The following RUBCN variants were observed in gnomAD, a reference collection of about 807,000 sequenced individuals.
The protein encoded by RUBCN is run domain Beclin-1-interacting and cysteine-rich domain-containing protein.
Under a neutral mutation model 113.2 loss-of-function variants are expected in RUBCN, and 74 were observed. The ratio of observed to expected loss-of-function variants is 0.65; its 90% CI spans 0.54 to 0.79. The LOEUF is 0.79. RUBCN is among the 30% of genes least tolerant of loss of function. The pLI is 0.00. For synonymous variants in RUBCN, 480 were observed against 490.0 expected (o/e 0.98, Z 0.27); for missense variants, 1,109 against 1,251.7 (o/e 0.89, Z 1.72).
At chr3:197,682,425 G>C in intron 14 of RUBCN, 45 bp downstream of exon 14, 1 of 1,612,248 alleles carries the variant, frequency 6.2e-7, no homozygotes, top group Non-Finnish European at 8.5e-7. Context: ...ACAATCCAAA[G>C]AGGACGGATC....
chr3:197,721,060 T>C (rs1376313654), intron 1 of RUBCN, among the ~76,000 whole-genome samples: 1 of 152,134 alleles, frequency 6.6e-6, no homozygotes, highest in East Asian at 1.9e-4. Context: ...TCATCGGGGG[T>C]ACTAGCCTGT....
rs1727053969 is a variant in RUBCN at position 197,728,814 on chromosome 3, T to TAG, written c.65+7840_65+7841insCT. Among the ~76,000 whole-genome samples, 5 of 152,282 alleles carry TAG rather than the reference T, an allele frequency of 3.3e-5. No individual in the cohort carries two copies. In the South Asian group the frequency reaches 1.0e-3, roughly 32 times the overall value. On this transcript the variant is annotated intron_variant, in intron 1 of 19. Transcript: ENST00000296343. ...TGCTCTAACAGAGAGGGGTGCCTTC[T>TAG]AAAGGAGCGTCATTTAAGGGACGAC...
upstream of RUBCN, chr3:197,736,980 C>T: frequency 7.9e-7 from 1 of 1,262,368 alleles, no homozygotes; most frequent in Non-Finnish European, 1.0e-6. Context: ...GACGCGTCCT[C>T]CAATCCCAGG....
intron 1 of RUBCN, among the ~76,000 whole-genome samples, chr3:197,742,010 G>T (rs1262198591): frequency 1.3e-5 from 2 of 150,726 alleles, no homozygotes; most frequent in Admixed American, 6.6e-5. Context: ...CGATTCTCCT[G>T]CCTCAGCCTC....
chr3:197,742,230 C>T (rs1315983), intron 1 of RUBCN, among the ~76,000 whole-genome samples: 13 of 152,110 alleles, frequency 8.5e-5, no homozygotes, highest in Non-Finnish European at 1.8e-4. Flanking sequence ...CAGTGGCTCA[C>T]GCCTGTAATA....
At chr3:197,717,536 G>A (rs1217071777) in intron 2 of RUBCN, among the ~76,000 whole-genome samples, 2 of 152,162 alleles carry the variant, frequency 1.3e-5, no homozygotes, top group Admixed American at 6.5e-5. Context: ...AAGAATGCAG[G>A]AAACCTAGAG....
intron 2 of RUBCN, among the ~76,000 whole-genome samples, chr3:197,711,261 C>T (rs961057470): frequency 6.6e-6 from 1 of 152,202 alleles, no homozygotes; most frequent in African/African-American, 2.4e-5. Context: ...TACACAAGCA[C>T]TGTTACTAAT....
At chr3:197,677,950 T>G (rs541697952) in intron 16 of RUBCN, among the ~76,000 whole-genome samples, 59 of 145,550 alleles carry the variant, frequency 4.1e-4, no homozygotes, top group Admixed American at 1.1e-3. Context: ...TCCTACGCTC[T>G]AACTCGACAC....
In RUBCN at chr3:197,695,976, C is replaced by T; in HGVS notation, c.1363G>A (p.Gly455Ser). 1 of 1,614,120 alleles carries T rather than the reference C, an allele frequency of 6.2e-7. No homozygotes were observed. Among genetic ancestry groups the T allele is most frequent in the Non-Finnish European group, 8.5e-7 (1 of 1,179,976 alleles). ...CCTTCCCCTGAGCACAGGTACCGACCACCTTCTGTGGGAAATGGAATGTGG... is the reference window on the plus strand; with the variant it reads ...CCTTCCCCTGAGCACAGGTACCGACTACCTTCTGTGGGAAATGGAATGTGG... ...PSSLYMEYEG[G>S]RYLCSGEGMF... Residue 455 changes from glycine (G) to serine (S), a missense_variant, in exon 9 of 20, where the codon GGT (glycine) becomes AGT (serine). Transcript: ENST00000296343.
chr3:197,697,075 A>G, intron 7 of RUBCN, 26 bp from the exon 8 acceptor site: 1 of 1,143,818 alleles, frequency 8.7e-7, no homozygotes, highest in Non-Finnish European at 1.3e-6. Context: ...ACCAGCGAGT[A>G]AAAACACATA....
At chr3:197,695,666 T>A (rs1162058839) in intron 9 of RUBCN, among the ~76,000 whole-genome samples, 200 bp downstream of exon 9, 2 of 152,088 alleles carry the variant, frequency 1.3e-5, no homozygotes, top group Non-Finnish European at 2.9e-5. Context: ...TAAGATAAAA[T>A]CGCTAATAAT....
At chr3:197,733,459 G>C (rs985516547) in intron 1 of RUBCN, among the ~76,000 whole-genome samples, 3 of 152,202 alleles carry the variant, frequency 2.0e-5, no homozygotes, top group Admixed American at 6.5e-5. Context: ...TCCAGCCTGA[G>C]TGACACAGTG....
At position 197,694,555 on chromosome 3, in the gene RUBCN, A is replaced by C. The variant is rs1357960596; in HGVS notation, c.1504T>G (p.Leu502Val). ...ENAHFSISES[L>V]IAAIELMKCN... ...TTCATTAGCTCGATGGCAGCAATTA[A>C]GGACTCTGAGATGCTGAAGTGGGCA... is the stretch of plus-strand genomic sequence containing the variant. The change falls in exon 10 of 20, where the codon TTA becomes GTA. Residue 502 changes from leucine (L) to valine (V), a missense_variant. Transcript: ENST00000296343. 3 of 1,614,088 alleles carry C rather than the reference A, an allele frequency of 1.9e-6. No individual in the cohort carries two copies. The African/African-American group carries it at 4.0e-5, about 22-fold the overall frequency.
upstream of RUBCN, chr3:197,749,731 G>A: frequency 1.6e-6 from 1 of 617,212 alleles, no homozygotes. Context: ...GCCTAGCACA[G>A]CGGCTGCAAT....
Position 197,670,869 on chromosome 3 carries a change from C to T in RUBCN, c.*4149G>A, listed in dbSNP as rs2108815569. ...GATGATGACTGCTGGACAAACACAA[C>T]AGGAGCAGTTGCAGACAAAGTAGCT... On this transcript the variant is annotated 3_prime_UTR_variant, in exon 20 of 20. Transcript: ENST00000296343. 6.6e-6 allele frequency among the ~76,000 whole-genome samples: 1 copy of T among 152,294 alleles called. No homozygotes were observed. Among genetic ancestry groups the T allele is most frequent in the Non-Finnish European group, 1.5e-5 (1 of 68,020 alleles).
chr3:197,686,489 A>T (rs1721863108), intron 11 of RUBCN, among the ~76,000 whole-genome samples: 2 of 152,018 alleles, frequency 1.3e-5, no homozygotes, highest in African/African-American at 4.8e-5. Flanking sequence ...ATGACCCCTG[A>T]CCCCGGCCAA....
At chr3:197,703,486 G>T in intron 5 of RUBCN, 62 bp downstream of exon 5, 3 of 1,052,318 alleles carry the variant, frequency 2.9e-6, no homozygotes, top group Non-Finnish European at 3.0e-6. Context: ...GCTGTAGAGG[G>T]CTACATCCTG....
intron 1 of RUBCN, among the ~76,000 whole-genome samples, chr3:197,728,881 T>C (rs536029238): frequency 6.6e-6 from 1 of 152,160 alleles, no homozygotes; most frequent in Non-Finnish European, 1.5e-5. Context: ...GCAGTGAGTG[T>C]AGAAAAGCAA....
chr3:197,722,608 A>G (rs919244304), intron 1 of RUBCN, among the ~76,000 whole-genome samples: 1 of 150,880 alleles, frequency 6.6e-6, no homozygotes, highest in Non-Finnish European at 1.5e-5. Context: ...GGATGCATGC[A>G]TGCATATATA....
Sources: allele counts gnomAD v4.1 joint callset (sites outside exome capture counted in the v4.1 genomes callset), GRCh38; gene constraint gnomAD v4.1.1; transcripts MANE v1.5; gene names NCBI Gene and HGNC (gene_info 2026-07-23, HGNC 2026-07-21).